CFAP58: variants seen among roughly 807,000 people sequenced by gnomAD.
CFAP58 encodes the protein cilia- and flagella-associated protein 58.
In CFAP58, 88 loss-of-function variants were observed where a neutral mutation model predicts 119.5. That is an observed-to-expected ratio of 0.74 (90% confidence interval 0.62 to 0.88). CFAP58 has a LOEUF of 0.88. Among genes scored for constraint, CFAP58 ranks in the 40% least tolerant of loss-of-function variants. The pLI is 0.00. For missense variants in CFAP58, 990 were observed against 1,021.2 expected (o/e 0.97, Z 0.42); for synonymous variants, 365 against 366.3 (o/e 1.00, Z 0.04).
chr10:104,392,414 C>T lies in CFAP58; in HGVS notation c.1527+20C>T. 1 of 1,480,934 alleles carries T rather than the reference C, an allele frequency of 6.8e-7. No homozygotes were observed. Among genetic ancestry groups the T allele is most frequent in the Non-Finnish European group, 9.1e-7 (1 of 1,103,254 alleles). 91.7% of individuals were successfully genotyped at this position (1,480,934 alleles called of 1,614,324 possible). Reference sequence around the variant, plus strand: ...GCTCAGGTAAATAATATATTTATATCCTTACATTTTGATTTATTTTTACCC... The same window carrying T: ...GCTCAGGTAAATAATATATTTATATTCTTACATTTTGATTTATTTTTACCC... On this transcript the variant is annotated intron_variant, in intron 10 of 17. Coordinates refer to ENST00000369704, the MANE Select transcript of CFAP58 (RefSeq NM_001008723.2).
chr10:104,361,868 T>A (rs2014670759), intron 2 of CFAP58, among the ~76,000 whole-genome samples, 155 bp from the exon 3 acceptor site: 1 of 152,228 alleles, frequency 6.6e-6, no homozygotes, highest in African/African-American at 2.4e-5. Flanking sequence ...CCTCTTTCAG[T>A]GTGCTATTCA....
At chr10:104,346,346 A>T in the CFAP58 span, among the ~76,000 whole-genome samples, 1 of 151,662 alleles carries the variant, frequency 6.6e-6, no homozygotes, top group East Asian at 1.9e-4. Flanking sequence ...TCACTTATTT[A>T]CTTTTGTTTG....
intron 7 of CFAP58, 144 bp downstream of exon 7, chr10:104,371,198 A>G (rs2014819044): frequency 1.5e-5 from 7 of 480,714 alleles, no homozygotes; most frequent in Middle Eastern, 5.8e-4. Context: ...AACAGTCAAT[A>G]TGGGGTGGGG....
At chr10:104,358,075 A>ATATATACACATATGTG in intron 1 of CFAP58, among the ~76,000 whole-genome samples, 1 of 146,892 alleles carries the variant, frequency 6.8e-6, no homozygotes, top group African/African-American at 2.6e-5. Context: ...ACACATATGT[A>ATATATACACATATGTG]CATATATATA....
chr10:104,386,311 A>G (rs1396397057), intron 9 of CFAP58, among the ~76,000 whole-genome samples: 1 of 150,882 alleles, frequency 6.6e-6, no homozygotes, highest in Non-Finnish European at 1.5e-5. Context: ...CTGGGAGGTG[A>G]GGTTGCAGTG....
chr10:104,362,861 C>CTCTTGACTGTGTCA (rs1421931277), intron 3 of CFAP58, among the ~76,000 whole-genome samples: 1 of 152,244 alleles, frequency 6.6e-6, no homozygotes, highest in Non-Finnish European at 1.5e-5. Flanking sequence ...AAAGCCCAGA[C>CTCTTGACTGTGTCA]TCTTGACTGT....
chr10:104,447,008 A>G (rs1282863457), intron 15 of CFAP58, among the ~76,000 whole-genome samples: 1 of 151,398 alleles, frequency 6.6e-6, no homozygotes, highest in Non-Finnish European at 1.5e-5. Context: ...CCATGCCATC[A>G]TATTTCTTTT....
chr10:104,398,779 A>T (rs1484762946), intron 11 of CFAP58, among the ~76,000 whole-genome samples: 4 of 152,156 alleles, frequency 2.6e-5, no homozygotes, highest in African/African-American at 9.7e-5. Context: ...TTATCCTCTC[A>T]TCTGGGTTGG....
intron 9 of CFAP58, among the ~76,000 whole-genome samples, chr10:104,385,794 T>C (rs1424844853): frequency 1.3e-5 from 2 of 152,190 alleles, no homozygotes; most frequent in Non-Finnish European, 2.9e-5. Flanking sequence ...GAAAGACCTG[T>C]ACAGGCTGAC....
the CFAP58 span, among the ~76,000 whole-genome samples, chr10:104,340,725 G>A: frequency 6.6e-6 from 1 of 152,168 alleles, no homozygotes; most frequent in Non-Finnish European, 1.5e-5. Context: ...GAACTCAAAA[G>A]CATGACATGA....
At chr10:104,390,819 A>G (rs2012024605) in intron 9 of CFAP58, among the ~76,000 whole-genome samples, 1 of 152,214 alleles carries the variant, frequency 6.6e-6, no homozygotes, top group South Asian at 2.1e-4. Context: ...ATGGAACTAT[A>G]TATAAAGAAA....
At position 104,394,339 on chromosome 10, in the gene CFAP58, A is replaced by AAT. The variant is rs370717559; in HGVS notation, c.1674+866_1674+867dup. On this transcript the variant is annotated intron_variant, in intron 11 of 17. Coordinates refer to ENST00000369704, the MANE Select transcript of CFAP58 (RefSeq NM_001008723.2). ...TTTTGTTATGAAAATATATGTGCAG[A>AAT]ATACTCATGGGTGCTTAAGAGCCAC... 3.2e-3 allele frequency among the ~76,000 whole-genome samples: 494 copies of AAT among 152,360 alleles called. 1 individual carries two copies. Among genetic ancestry groups the AAT allele is most frequent in the African/African-American group, 0.011 (475 of 41,580 alleles).
chr10:104,445,848 A>G (rs2013105800), intron 15 of CFAP58, among the ~76,000 whole-genome samples: 1 of 152,142 alleles, frequency 6.6e-6, no homozygotes, highest in East Asian at 1.9e-4. Context: ...TCTCCTCTCA[A>G]CCTACCAAGA....
intron 7 of CFAP58, among the ~76,000 whole-genome samples, chr10:104,373,219 G>A (rs1245963796): frequency 6.6e-6 from 1 of 151,998 alleles, no homozygotes; most frequent in African/African-American, 2.4e-5. Context: ...TCTATTGAGG[G>A]ATATAAAGGA....
rs2012690443 is a variant in CFAP58, at chr10:104,423,330, A to T, written c.2256+16537A>T. Among the ~76,000 whole-genome samples, 5 of 152,318 alleles carry T rather than the reference A, an allele frequency of 3.3e-5. No homozygotes were observed. The South Asian group carries it at 1.0e-3, about 32-fold the overall frequency. ...ATGTGAACCAAAAATATATTAGTTG[A>T]TAAATTAGTCTTTTAAAAATGTAAC... On this transcript the variant is annotated intron_variant, in intron 15 of 17. Coordinates refer to ENST00000369704, the MANE Select transcript of CFAP58 (RefSeq NM_001008723.2).
intron 15 of CFAP58, among the ~76,000 whole-genome samples, chr10:104,420,988 A>G (rs770368535): frequency 6.6e-6 from 1 of 152,108 alleles, no homozygotes; most frequent in Non-Finnish European, 1.5e-5. Flanking sequence ...CCTGGGCTCA[A>G]GTGATCCACC....
At chr10:104,354,836 C>G (rs2014520554) in intron 1 of CFAP58, among the ~76,000 whole-genome samples, 1 of 152,188 alleles carries the variant, frequency 6.6e-6, no homozygotes. Context: ...GTGCAACTGA[C>G]CAGTTTTCAC....
At chr10:104,382,176 C>G in intron 9 of CFAP58, 2 of 717,374 alleles carry the variant, frequency 2.8e-6, no homozygotes, top group Non-Finnish European at 5.2e-6. Context: ...AATGGTGAAA[C>G]AGTGGACCCT....
chr10:104,362,217 G>C lies in CFAP58; in HGVS notation c.440+46G>C, dbSNP rs114109182. On this transcript the variant is annotated intron_variant, in intron 3 of 17. Coordinates refer to ENST00000369704, the MANE Select transcript of CFAP58 (RefSeq NM_001008723.2). ...TGTATGTTAAACTTGCTTTTGCAGA[G>C]GTCTCCTTCAGTAGACAGCCTGGGG... 3 of 1,540,246 alleles carry C rather than the reference G, an allele frequency of 1.9e-6. No homozygotes were observed. In the African/African-American group the frequency reaches 4.1e-5, roughly 21 times the overall value.
Sources: allele counts gnomAD v4.1 joint callset (sites outside exome capture counted in the v4.1 genomes callset), GRCh38; gene constraint gnomAD v4.1.1; transcripts MANE v1.5; gene names NCBI Gene and HGNC (gene_info 2026-07-23, HGNC 2026-07-21).